The following CCDC57 variants were observed in gnomAD, a reference collection of about 807,000 sequenced individuals.
CCDC57 encodes the protein coiled-coil domain-containing protein 57.
In CCDC57, 118 loss-of-function variants were observed where a neutral mutation model predicts 118.9. The observed-to-expected ratio is 0.99, with a 90% CI of 0.86 to 1.16. The LOEUF (loss-of-function observed/expected upper bound fraction) is 1.16, where lower values mean the gene tolerates loss of function less well. CCDC57 is among the 50% of genes most tolerant of loss of function. The probability of loss-of-function intolerance (pLI) is 0.00; values close to 1 mark genes in which losing one functional copy is unlikely to be tolerated. For missense variants in CCDC57, 1,300 were observed against 1,320.7 expected, an observed-to-expected ratio of 0.98 and a Z score of 0.24; for synonymous variants, 527 against 532.9, an observed-to-expected ratio of 0.99 and a Z score of 0.15.
chr17:82,190,417 C>T (rs933500958), intron 7 of CCDC57, among the ~76,000 whole-genome samples: 4 of 152,154 alleles, frequency 2.6e-5, no homozygotes, highest in Non-Finnish European at 5.9e-5. Context: ...TTAATCCAGT[C>T]TGGGTGTGGT....
intron 14 of CCDC57, among the ~76,000 whole-genome samples, chr17:82,158,436 C>T (rs1408805972): frequency 6.6e-6 from 1 of 152,102 alleles, no homozygotes; most frequent in African/African-American, 2.4e-5. Flanking sequence ...GCCTATAATC[C>T]CAGTGCCTTG....
intron 16 of CCDC57, among the ~76,000 whole-genome samples, chr17:82,134,926 CATGTT>C (rs1269667690): frequency 1.3e-5 from 2 of 152,200 alleles, no homozygotes; most frequent in African/African-American, 2.4e-5. Context: ...CAATTCCATT[CATGTT>C]ATGTTATGTA....
chr17:82,132,390 C>T (rs938878008), intron 17 of CCDC57, among the ~76,000 whole-genome samples: 5 of 151,926 alleles, frequency 3.3e-5, no homozygotes, highest in Non-Finnish European at 5.9e-5. Flanking sequence ...CAAAAAGACA[C>T]GGAAAGGCGG....
intron 15 of CCDC57, chr17:82,155,452 A>T (rs1313500526): frequency 6.6e-6 from 1 of 151,714 alleles, no homozygotes; most frequent in East Asian, 1.9e-4. Flanking sequence ...GTCCTTGGGG[A>T]CCCCTTTCAG....
chr17:82,149,723 G>A (rs1448032374), intron 16 of CCDC57, among the ~76,000 whole-genome samples: 6 of 151,674 alleles, frequency 4.0e-5, no homozygotes, highest in Non-Finnish European at 5.9e-5. Context: ...GACCCCAGGC[G>A]CACACCCAGA....
chr17:82,208,593 AG>A (rs2049941774), intron 1 of CCDC57, among the ~76,000 whole-genome samples: 1 of 152,150 alleles, frequency 6.6e-6, no homozygotes, highest in Admixed American at 6.5e-5. Context: ...TGGGACTGGA[AG>A]GCAGGTCTGG....
chr17:82,194,232 G>C (rs1229874871), intron 5 of CCDC57, 93 bp from the exon 5 acceptor site: 32 of 1,328,618 alleles, frequency 2.4e-5, no homozygotes, highest in Non-Finnish European at 3.2e-5. Context: ...AGGATTGGGA[G>C]GGAGAAGAAA....
chr17:82,208,501 C>T (rs544551876), intron 1 of CCDC57, among the ~76,000 whole-genome samples: 12 of 151,874 alleles, frequency 7.9e-5, no homozygotes, highest in East Asian at 1.9e-4. Flanking sequence ...GTGATTCACC[C>T]GCCTCGGCCT....
Position 82,191,075 on chromosome 17 carries a change from A to G in CCDC57, c.852-2656T>C, listed in dbSNP as rs139804255. On this transcript the variant is annotated intron_variant, in intron 7 of 19. Coordinates refer to ENST00000665763, the Ensembl canonical transcript of CCDC57. ...CACAGGATGTCCAATGGTGCCAATC[A>G]AGTAAATCATGAGTTGTAATACGGC... Among the ~76,000 whole-genome samples the G allele has an allele frequency of 7.9e-3, 1,195 of 152,022 alleles. 15 individuals are homozygous for G. The highest frequency in any genetic ancestry group is 0.049 in the South Asian group (235 of 4,810).
chr17:82,166,831 C>A (rs2044045365), intron 13 of CCDC57, among the ~76,000 whole-genome samples: 1 of 149,900 alleles, frequency 6.7e-6, no homozygotes, highest in Non-Finnish European at 1.5e-5. Context: ...TGGGAGGGTC[C>A]CTTGAGCCCA....
chr17:82,113,213 T>A, intron 19 of CCDC57: 1 of 599,908 alleles, frequency 1.7e-6, no homozygotes, highest in Non-Finnish European at 3.0e-6. Context: ...GTCATGATAA[T>A]CAGTGAAGGC....
intron 19 of CCDC57, chr17:82,112,315 G>A (rs926485755): frequency 1.3e-5 from 2 of 152,252 alleles, no homozygotes; most frequent in Non-Finnish European, 2.9e-5. Context: ...GGTTCTAGAC[G>A]AGCCTTCACT....
chr17:82,110,960 G>A (rs2035198581), intron 19 of CCDC57, among the ~76,000 whole-genome samples: 1 of 151,462 alleles, frequency 6.6e-6, no homozygotes, highest in African/African-American at 2.4e-5. Context: ...TGGAGGTGGA[G>A]GTTGCGGTGA....
chr17:82,186,347 G>T (rs1007551314), intron 8 of CCDC57, among the ~76,000 whole-genome samples: 1 of 152,140 alleles, frequency 6.6e-6, no homozygotes, highest in Non-Finnish European at 1.5e-5. Flanking sequence ...CTGCAACGGG[G>T]GGCCAAGGTT....
rs897254405 is a variant in CCDC57 at position 82,104,456 on chromosome 17, G to A, written c.2900-2590C>T. ...CCCTCCCAGGCTTAACCCCTCCCAG[G>A]TCCTGGTGTGTGCTGAGGCAGGGCC... On this transcript the variant is annotated intron_variant, in intron 19 of 19. Transcript: ENST00000665763. 3.9e-5 allele frequency among the ~76,000 whole-genome samples: 6 copies of A among 152,306 alleles called. No homozygotes were observed. The South Asian group carries it at 8.3e-4, about 21-fold the overall frequency.
chr17:82,199,134 G>A (rs147328624), intron 3 of CCDC57, among the ~76,000 whole-genome samples: 5 of 151,950 alleles, frequency 3.3e-5, no homozygotes, highest in Admixed American at 2.6e-4. Flanking sequence ...TTATAAAAGC[G>A]CTTCAAGTAA....
intron 19 of CCDC57, chr17:82,113,457 C>A (rs767895165): frequency 5.6e-6 from 4 of 717,494 alleles, no homozygotes; most frequent in Non-Finnish European, 1.0e-5. Context: ...AGGGTCCTCT[C>A]CTTCCTGGAC....
intron 19 of CCDC57, 174 bp downstream of exon 18, chr17:82,127,518 A>C: frequency 1.0e-6 from 1 of 985,436 alleles, no homozygotes; most frequent in Non-Finnish European, 1.2e-6. Context: ...TAACCCGGGA[A>C]ACACTCAGGT....
At chr17:82,113,802 C>T in intron 19 of CCDC57, 1 of 631,596 alleles carries the variant, frequency 1.6e-6, no homozygotes, top group Non-Finnish European at 2.8e-6. Flanking sequence ...AAAGATTAGC[C>T]AGCTATGGTG....
Sources: gnomAD v4.1 joint callset for allele counts (sites outside exome capture counted in the v4.1 genomes callset) on GRCh38, gnomAD v4.1.1 for gene constraint, MANE v1.5 for transcripts, NCBI Gene and HGNC (gene_info 2026-07-23, HGNC 2026-07-21) for gene names.